Variants in RBM6 observed in about 807,000 individuals in gnomAD.
RBM6 encodes the protein RNA binding motif protein 6.
A neutral mutation model predicts 140.4 loss-of-function variants in RBM6; 23 were observed. The observed-to-expected ratio is 0.16, with a 90% confidence interval of 0.12 to 0.23. RBM6 has a LOEUF of 0.23. Among genes scored for constraint, RBM6 ranks in the 10% least tolerant of loss-of-function variants. The pLI is 1.00. For missense variants in RBM6, 1,139 were observed against 1,386.7 expected (o/e 0.82, Z 2.84); for synonymous variants, 439 against 475.6 (o/e 0.92, Z 1.00).
intron 15 of RBM6, 70 bp downstream of exon 15, chr3:50,062,178 A>G: frequency 6.6e-7 from 1 of 1,514,014 alleles, no homozygotes; most frequent in Admixed American, 1.9e-5. Flanking sequence ...CGAACAGAGG[A>G]TATCTATGTT....
intron 8 of RBM6, among the ~76,000 whole-genome samples, chr3:50,055,023 C>T (rs1191809893): frequency 2.0e-5 from 3 of 152,160 alleles, no homozygotes; most frequent in South Asian, 2.1e-4. Context: ...GGAGTTTCAC[C>T]GTGTTAGCCA....
chr3:49,965,187 G>A (rs549926872), intron 2 of RBM6, among the ~76,000 whole-genome samples: 110 of 152,276 alleles, frequency 7.2e-4, no homozygotes, highest in African/African-American at 2.6e-3. Context: ...AGAAGAGTAA[G>A]ATAATCTTTA....
intron 1 of RBM6, among the ~76,000 whole-genome samples, chr3:49,945,881 C>CAAAA (rs67271820): frequency 1.2e-3 from 75 of 61,868 alleles, no homozygotes; most frequent in East Asian, 3.2e-3. Context: ...GACTCCATCT[C>CAAAA]AAAAAAAAAA....
chr3:50,043,731 G>A (rs1244276201), intron 6 of RBM6, among the ~76,000 whole-genome samples: 2 of 151,342 alleles, frequency 1.3e-5, no homozygotes, highest in African/African-American at 2.4e-5. Flanking sequence ...TTACAAGCAT[G>A]TGCCACCACA....
At chr3:50,045,816 C>T (rs1209580524) in intron 6 of RBM6, among the ~76,000 whole-genome samples, 1 of 152,124 alleles carries the variant, frequency 6.6e-6, no homozygotes, top group Admixed American at 6.5e-5. Flanking sequence ...ATCTTCACAA[C>T]CACCCTAAGA....
rs192728275 is a variant in RBM6, at chr3:50,066,881, G to A, written c.2943+379G>A. 1.2e-4 allele frequency among the ~76,000 whole-genome samples: 18 copies of A among 149,678 alleles called. No individual in the cohort carries two copies. The East Asian group carries it at 2.4e-3, about 20-fold the overall frequency. On this transcript the variant is annotated intron_variant, in intron 17 of 20. Transcript: ENST00000266022. The stretch of plus-strand genomic sequence containing the variant: ...GACTCATATTATTGATGGGGATTAT[G>A]GGGAATAAAAAAGATTATTTAGGCC...
intron 7 of RBM6, among the ~76,000 whole-genome samples, chr3:50,049,136 T>G (rs2089353339): frequency 6.6e-6 from 1 of 151,404 alleles, no homozygotes; most frequent in Non-Finnish European, 1.5e-5. Context: ...TGAGACAGAG[T>G]CTTGCTCTGT....
chr3:50,064,905 G>A (rs150278326), intron 15 of RBM6, 126 bp from the exon 16 acceptor site: 7 of 680,094 alleles, frequency 1.0e-5, no homozygotes, highest in African/African-American at 1.8e-5. Flanking sequence ...ATCTCCTGAC[G>A]TTGTGATCCA....
chr3:49,970,922 G>A (rs2084759854), intron 3 of RBM6, among the ~76,000 whole-genome samples: 1 of 152,012 alleles, frequency 6.6e-6, no homozygotes, highest in Non-Finnish European at 1.5e-5. Flanking sequence ...TTGAGGTCAG[G>A]ATTTCAAGAC....
intron 2 of RBM6, among the ~76,000 whole-genome samples, chr3:49,963,686 G>T (rs1010643914): frequency 2.6e-5 from 4 of 152,116 alleles, no homozygotes; most frequent in African/African-American, 9.7e-5. Context: ...TTTTAAATTT[G>T]TAGGGAATTA....
In RBM6 at chr3:49,978,601, GA is replaced by G. The variant is rs2085163851; in HGVS notation, c.1483+3212del. ...GAGCTTATGAATTTTTCAAGTTATAGAAATGTAGTTTACATAGATCATATGG... is the reference window on the plus strand; with the variant it reads ...GAGCTTATGAATTTTTCAAGTTATAGAATGTAGTTTACATAGATCATATGG... On this transcript the variant is annotated intron_variant, in intron 5 of 20. Coordinates refer to ENST00000266022, the MANE Select transcript of RBM6 (RefSeq NM_005777.3). 9.2e-5 allele frequency among the ~76,000 whole-genome samples: 14 copies of G among 152,308 alleles called. No individual in the cohort carries two copies. The South Asian group carries it at 2.9e-3, about 32-fold the overall frequency.
At chr3:50,064,289 T>A (rs186842263) in intron 15 of RBM6, among the ~76,000 whole-genome samples, 31 of 151,196 alleles carry the variant, frequency 2.1e-4, no homozygotes, top group African/African-American at 7.3e-4. Context: ...GGAGAGAGAG[T>A]GTGTGTGTGT....
chr3:50,009,191 A>G lies in RBM6; in HGVS notation c.1557+9678A>G, dbSNP rs141543109. On this transcript the variant is annotated intron_variant, in intron 6 of 20. Transcript: ENST00000266022. ...AGGACCTCTCGGGATTTCTAGACAG[A>G]CAGCAAGAGAGTTGGGCTAACACCT... Among the ~76,000 whole-genome samples the G allele has an allele frequency of 1.1e-3, 162 of 152,322 alleles. 1 individual carries two copies. The highest frequency in any genetic ancestry group is 3.7e-3 in the African/African-American group (153 of 41,574).
At chr3:50,059,620 T>G in intron 10 of RBM6, 29 bp from the exon 11 acceptor site, 3 of 1,573,796 alleles carry the variant, frequency 1.9e-6, no homozygotes, top group Non-Finnish European at 2.6e-6. Context: ...ATTTTCTGTC[T>G]CTGGGTTCAA....
Position 50,061,559 on chromosome 3 carries a change from G to GTTTTTT in RBM6, c.2439+12_2439+13insTTTTTT, listed in dbSNP as rs758603179. The GTTTTTT allele has an allele frequency of 7.0e-7, 1 of 1,420,622 alleles. No homozygotes were observed. Among genetic ancestry groups the GTTTTTT allele is most frequent in the African/African-American group, 2.1e-5 (1 of 46,598 alleles). 88.0% of individuals were successfully genotyped at this position (1,420,622 alleles called of 1,614,324 possible). ...ACCCCAATACCCAGGTGAGTTTGGG[G>GTTTTTT]CTTTTTTTTTTTTTTTTTTTTTTTT... On this transcript the variant is annotated intron_variant, in intron 14 of 20. Coordinates refer to ENST00000266022, the MANE Select transcript of RBM6 (RefSeq NM_005777.3).
intron 7 of RBM6, among the ~76,000 whole-genome samples, chr3:50,051,166 C>G (rs1470810794): frequency 6.6e-6 from 1 of 151,950 alleles, no homozygotes; most frequent in Non-Finnish European, 1.5e-5. Flanking sequence ...ATGGCAAAAC[C>G]CCATCTCTAC....
In RBM6 at chr3:49,958,469, G is replaced by C. The variant is rs184596777; in HGVS notation, c.-66-4107G>C. On this transcript the variant is annotated intron_variant, in intron 1 of 20. Transcript: ENST00000266022. ...TGGGCACCTGTAGTCCCAGCTACTC[G>C]GGAGGCTGAGGCAGGAGAATGGCGT... Among the ~76,000 whole-genome samples the C allele has an allele frequency of 1.8e-3, 272 of 152,192 alleles. 3 individuals carry two copies. The highest frequency in any genetic ancestry group is 5.8e-3 in the African/African-American group (243 of 41,542).
intron 8 of RBM6, 116 bp from the exon 9 acceptor site, chr3:50,057,611 GC>G: frequency 2.0e-6 from 1 of 504,326 alleles, no homozygotes; most frequent in Non-Finnish European, 3.1e-6. Flanking sequence ...AAAAAAAAAG[GC>G]ATTCCAGTAT....
At chr3:49,958,506 G>A (rs1330637092) in intron 1 of RBM6, among the ~76,000 whole-genome samples, 1 of 152,106 alleles carries the variant, frequency 6.6e-6, no homozygotes, top group East Asian at 1.9e-4. Context: ...AACCCAGGAG[G>A]CGGAGCTTGC....
Sources: allele counts gnomAD v4.1 joint callset (sites outside exome capture counted in the v4.1 genomes callset), GRCh38; gene constraint gnomAD v4.1.1; transcripts MANE v1.5; gene names NCBI Gene and HGNC (gene_info 2026-07-23, HGNC 2026-07-21).